The following PCDHA12 variants were observed in gnomAD, a reference collection of about 807,000 sequenced individuals.
PCDHA12 encodes the protein protocadherin alpha-12.
Under a neutral mutation model 60.0 loss-of-function variants are expected in PCDHA12, and 44 were observed. The observed-to-expected ratio is 0.73, with a 90% CI of 0.58 to 0.94. The LOEUF (loss-of-function observed/expected upper bound fraction) is 0.94, where lower values mean the gene tolerates loss of function less well. PCDHA12 is among the 40% of genes least tolerant of loss of function. PCDHA12 has a pLI of 0.00. For synonymous variants in PCDHA12, 569 were observed against 553.0 expected, an observed-to-expected ratio of 1.03 and a Z score of -0.40; for missense variants, 1,276 against 1,239.7, an observed-to-expected ratio of 1.03 and a Z score of -0.44.
chr5:140,942,669 A>G (rs2093352340), intron 1 of PCDHA12, among the ~76,000 whole-genome samples: 1 of 152,212 alleles, frequency 6.6e-6, no homozygotes, highest in South Asian at 2.1e-4. Flanking sequence ...AATAAGCACA[A>G]AAGTTTTAGG....
chr5:141,006,503 G>A (rs1163915409), intron 3 of PCDHA12, among the ~76,000 whole-genome samples: 2 of 152,168 alleles, frequency 1.3e-5, no homozygotes, highest in South Asian at 2.1e-4. Context: ...GTGAGCCACC[G>A]CGCCTGGCTG....
intron 1 of PCDHA12, among the ~76,000 whole-genome samples, chr5:140,961,366 C>T (rs1384222732): frequency 6.6e-6 from 1 of 152,144 alleles, no homozygotes; most frequent in Non-Finnish European, 1.5e-5. Context: ...CATTAGAATT[C>T]TCCTTCTAGT....
intron 1 of PCDHA12, among the ~76,000 whole-genome samples, chr5:140,941,011 C>T (rs1554213684): frequency 6.6e-6 from 1 of 152,124 alleles, no homozygotes; most frequent in African/African-American, 2.4e-5. Context: ...TTTTCCTTTC[C>T]TATTTTCCTT....
At chr5:140,912,010 G>A (rs1208180595) in intron 1 of PCDHA12, among the ~76,000 whole-genome samples, 1 of 152,202 alleles carries the variant, frequency 6.6e-6, no homozygotes. Flanking sequence ...CCATCTGCAA[G>A]CTGAGGAGCA....
intron 1 of PCDHA12, among the ~76,000 whole-genome samples, chr5:140,912,714 C>T (rs1312540155): frequency 6.6e-6 from 1 of 152,088 alleles, no homozygotes; most frequent in African/African-American, 2.4e-5. Context: ...CAACTTTTCT[C>T]CATTCAATAT....
chr5:140,885,096 A>G (rs2060465078), intron 1 of PCDHA12, among the ~76,000 whole-genome samples: 1 of 152,160 alleles, frequency 6.6e-6, no homozygotes, highest in Non-Finnish European at 1.5e-5. Flanking sequence ...AACTTTTCAC[A>G]TAAATGCTTT....
intron 1 of PCDHA12, among the ~76,000 whole-genome samples, chr5:140,941,259 T>TTCTTTCTTTC (rs1554214226): frequency 2.6e-4 from 32 of 121,828 alleles, no homozygotes; most frequent in African/African-American, 6.8e-4. Flanking sequence ...TTCTTTCTCT[T>TTCTTTCTTTC]TCTTTCTTTC....
chr5:140,983,704 A>T (rs1364816662), intron 3 of PCDHA12, among the ~76,000 whole-genome samples: 3 of 152,226 alleles, frequency 2.0e-5, no homozygotes, highest in Non-Finnish European at 4.4e-5. Flanking sequence ...AAATCCAAGT[A>T]TATCTAGCAC....
chr5:141,010,282 A>C lies in PCDHA12; in HGVS notation c.*345A>C, dbSNP rs375556483. The C allele has an allele frequency of 6.4e-7, 1 of 1,551,130 alleles. No homozygotes were observed. Among genetic ancestry groups the C allele is most frequent in the Admixed American group, 2.0e-5 (1 of 50,878 alleles). On this transcript the variant is annotated 3_prime_UTR_variant, in exon 4 of 4. Transcript: ENST00000398631. ...GTGCTCCGGGGATCCTGTCTTGATGACACTTGCAGGGCAGGCTGAAAAGTT... is the reference window on the plus strand; with the variant it reads ...GTGCTCCGGGGATCCTGTCTTGATGCCACTTGCAGGGCAGGCTGAAAAGTT...
rs782443419 is a variant in PCDHA12, at chr5:140,882,688, A to T, written c.2367+4849A>T. On this transcript the variant is annotated intron_variant, in intron 1 of 3. Coordinates refer to ENST00000398631, the MANE Select transcript of PCDHA12 (RefSeq NM_018903.4). ...TATTCCCTGAAAGCAAGAAACGAATAATCATTGCAGAATCTAGACCTCCGG... is the reference window on the plus strand; with the variant it reads ...TATTCCCTGAAAGCAAGAAACGAATTATCATTGCAGAATCTAGACCTCCGG... The T allele has an allele frequency of 1.2e-5, 20 of 1,614,078 alleles. 1 individual carries two copies. In the South Asian group the frequency reaches 2.2e-4, roughly 18 times the overall value.
chr5:140,992,381 T>C (rs890804495), intron 3 of PCDHA12, among the ~76,000 whole-genome samples: 5 of 152,200 alleles, frequency 3.3e-5, no homozygotes, highest in Admixed American at 1.3e-4. Context: ...TACATTATTG[T>C]GTTCTGGACT....
chr5:140,963,109 T>G (rs1490746394), intron 1 of PCDHA12, among the ~76,000 whole-genome samples: 1 of 152,128 alleles, frequency 6.6e-6, no homozygotes, highest in Non-Finnish European at 1.5e-5. Context: ...TCAGGTTGCT[T>G]ATAATTAAAG....
At chr5:140,913,166 GTTC>G (rs1273182839) in intron 1 of PCDHA12, among the ~76,000 whole-genome samples, 1 of 152,160 alleles carries the variant, frequency 6.6e-6, no homozygotes, top group Non-Finnish European at 1.5e-5. Flanking sequence ...ATTGGTATTA[GTTC>G]TTCTTTAAAT....
At chr5:140,916,379 C>G (rs180755548) in intron 1 of PCDHA12, among the ~76,000 whole-genome samples, 2 of 152,302 alleles carry the variant, frequency 1.3e-5, no homozygotes, top group Admixed American at 6.5e-5. Context: ...GTAGCCACCA[C>G]AACTAGGAAT....
chr5:140,967,287 A>G (rs1458692984), intron 1 of PCDHA12: 1 of 1,612,826 alleles, frequency 6.2e-7, no homozygotes, highest in Non-Finnish European at 8.5e-7. Flanking sequence ...AGTGCGCAGG[A>G]CCCCGACGTG....
Position 140,877,582 on chromosome 5 carries a change from A to G in PCDHA12, c.2110A>G (p.Ile704Val). 1 of 1,613,772 alleles carries G rather than the reference A, an allele frequency of 6.2e-7. No homozygotes were observed. Among genetic ancestry groups the G allele is most frequent in the East Asian group, 2.2e-5 (1 of 44,866 alleles). ...TATTAACGTGTACCTCATCATCGCC[A>G]TCTGTGCGGTGTCCAGCCTGCTGGT... ...VDINVYLIIA[I>V]CAVSSLLVLT... is the part of the protein sequence containing the mutation. The change falls in exon 1 of 4, where the codon ATC becomes GTC. Residue 704 changes from isoleucine to valine, a missense_variant. Coordinates refer to ENST00000398631, the MANE Select transcript of PCDHA12 (RefSeq NM_018903.4).
chr5:140,928,930 C>T, intron 1 of PCDHA12: 1 of 1,614,108 alleles, frequency 6.2e-7, no homozygotes, highest in Non-Finnish European at 8.5e-7. Context: ...GCTTTCTGCC[C>T]AGAACTTGTA....
Position 140,876,493 on chromosome 5 carries a change from C to G in PCDHA12, c.1021C>G (p.Leu341Val). ...AGHSMVLVEV[L>V]DVNDNVPEVM... The stretch of plus-strand genomic sequence containing the variant: ...TCACAGCATGGTCCTGGTGGAAGTT[C>G]TGGACGTGAATGACAATGTCCCTGA... Residue 341 changes from leucine to valine, a missense_variant, in exon 1 of 4, where the codon CTG becomes GTG. Coordinates refer to ENST00000398631, the MANE Select transcript of PCDHA12 (RefSeq NM_018903.4). 6.2e-7 allele frequency: 1 copy of G among 1,614,008 alleles called. No homozygotes were observed. The highest frequency in any genetic ancestry group is 1.1e-5 in the South Asian group (1 of 91,086).
At chr5:141,001,536 A>G (rs562513933) in intron 3 of PCDHA12, among the ~76,000 whole-genome samples, 153 of 152,240 alleles carry the variant, frequency 1.0e-3, no homozygotes, top group African/African-American at 3.5e-3. Context: ...CTGATCCTGG[A>G]CAGGATTTGG....
Sources: allele counts gnomAD v4.1 joint callset (sites outside exome capture counted in the v4.1 genomes callset), GRCh38; gene constraint gnomAD v4.1.1; transcripts MANE v1.5; gene names NCBI Gene and HGNC (gene_info 2026-07-23, HGNC 2026-07-21).